The following DUSP16 variants were observed in gnomAD, a reference collection of about 807,000 sequenced individuals.
DUSP16 encodes the protein dual specificity protein phosphatase 16.
A neutral mutation model predicts 58.3 loss-of-function variants in DUSP16; 21 were observed. The ratio of observed to expected loss-of-function variants is 0.36; its 90% CI spans 0.26 to 0.52. The LOEUF (loss-of-function observed/expected upper bound fraction) is 0.52. Ranked by LOEUF, DUSP16 falls within the 20% of genes least tolerant of loss-of-function variation. The probability of loss-of-function intolerance (pLI) is 0.94; values close to 1 mark genes in which losing one functional copy is unlikely to be tolerated. For missense variants in DUSP16, 726 were observed against 819.0 expected, an observed-to-expected ratio of 0.89 and a Z score of 1.39; for synonymous variants, 320 against 323.8, an observed-to-expected ratio of 0.99 and a Z score of 0.12.
intron 6 of DUSP16, 56 bp from the exon 7 acceptor site, chr12:12,478,071 G>A (rs1178434066): frequency 1.5e-6 from 2 of 1,358,060 alleles, no homozygotes. Context: ...TTTATCTTAA[G>A]AATATTAAGT....
chr12:12,510,094 T>C (rs907786071), intron 3 of DUSP16, among the ~76,000 whole-genome samples: 1 of 152,084 alleles, frequency 6.6e-6, no homozygotes, highest in East Asian at 1.9e-4. Flanking sequence ...TGCCCCTAAA[T>C]GGCGCAGGAC....
Position 12,476,793 on chromosome 12 carries a change from A to G in DUSP16, c.*40T>C, listed in dbSNP as rs187350433. On this transcript the variant is annotated 3_prime_UTR_variant, in exon 7 of 7. Transcript: ENST00000298573. ...TACAGGGAATTTTTTTGTGAACAAG[A>G]AAAAAAAATTGTCTATAGAAGTCAC... 6.7e-7 allele frequency: 1 copy of G among 1,486,938 alleles called. No individual in the cohort carries two copies. The highest frequency in any genetic ancestry group is 1.4e-5 in the African/African-American group (1 of 70,968). The allele number at this position is 1,486,938 out of a possible 1,614,324, so 92.1% of individuals were successfully genotyped here.
At position 12,475,764 on chromosome 12, in the gene DUSP16, A is replaced by G. The variant is rs1354883526; in HGVS notation, c.*1069T>C. 2.0e-5 allele frequency: 3 copies of G among 152,184 alleles called. No individual in the cohort carries two copies. The highest frequency in any genetic ancestry group is 7.2e-5 in the African/African-American group (3 of 41,442). The allele number at this position is 152,184 out of a possible 1,614,324, so 9.4% of individuals were successfully genotyped here. A position where few individuals can be genotyped will look rare whatever the true frequency, so the allele number is the denominator to read the frequency against. ...ACCTCCCTAGGAAGTTTCCTATAAAATTCTGCCATATTATTACATTTTACC... is the reference window on the plus strand; with the variant it reads ...ACCTCCCTAGGAAGTTTCCTATAAAGTTCTGCCATATTATTACATTTTACC... On this transcript the variant is annotated 3_prime_UTR_variant, in exon 7 of 7. Transcript: ENST00000298573.
At chr12:12,500,379 A>G (rs1376027801) in intron 4 of DUSP16, 140 bp downstream of exon 4, 5 of 970,734 alleles carry the variant, frequency 5.2e-6, no homozygotes, top group Non-Finnish European at 7.3e-6. Flanking sequence ...AGATGACGCA[A>G]CTGTTACCTG....
At chr12:12,547,346 T>C (rs1944655835) in intron 1 of DUSP16, among the ~76,000 whole-genome samples, 1 of 151,414 alleles carries the variant, frequency 6.6e-6, no homozygotes, top group Non-Finnish European at 1.5e-5. Flanking sequence ...GGAGAATCGC[T>C]TGAACCCGGG....
At chr12:12,552,772 C>T (rs190984786) in intron 1 of DUSP16, among the ~76,000 whole-genome samples, 171 of 152,046 alleles carry the variant, frequency 1.1e-3, no homozygotes, top group African/African-American at 4.0e-3. Flanking sequence ...TTTATATCAA[C>T]CCTCTTTGTT....
At chr12:12,557,227 G>A (rs917752624) in intron 1 of DUSP16, among the ~76,000 whole-genome samples, 16 of 152,010 alleles carry the variant, frequency 1.1e-4, no homozygotes, top group African/African-American at 3.1e-4. Context: ...AGGCCAAGGC[G>A]GGTGGAACAC....
chr12:12,505,113 C>G (rs1943973309), intron 3 of DUSP16, among the ~76,000 whole-genome samples: 1 of 152,152 alleles, frequency 6.6e-6, no homozygotes, highest in African/African-American at 2.4e-5. Context: ...ATAGGTGTTA[C>G]TACTAATCCC....
rs185572363 is a variant in DUSP16, at chr12:12,492,617, G to A, written c.532-5430C>T. On this transcript the variant is annotated intron_variant, in intron 4 of 6. Transcript: ENST00000298573. ...CTTAAAAATATCTCCTCTCAGCTTC[G>A]CGTCTCCCTCCAGCCATTACCCCAT... Among the ~76,000 whole-genome samples the A allele has an allele frequency of 3.7e-3, 559 of 151,918 alleles. 3 individuals are homozygous for A. The highest frequency in any genetic ancestry group is 7.1e-3 in the Non-Finnish European group (480 of 67,974).
chr12:12,546,790 G>T (rs989314361), intron 1 of DUSP16, among the ~76,000 whole-genome samples: 1 of 152,160 alleles, frequency 6.6e-6, no homozygotes, highest in Non-Finnish European at 1.5e-5. Flanking sequence ...AACATTTTAA[G>T]TCATGGCACC....
Position 12,521,414 on chromosome 12 carries a change from T to C in DUSP16, c.-316A>G, listed in dbSNP as rs1277148897. ...TTGGAGCAGCCAGCGCATTACATCA[T>C]TCTTTACCTTTGCTCCCGCGCTCCA... On this transcript the variant is annotated 5_prime_UTR_variant, in exon 2 of 7. The change abolishes an upstream ATG in the 5' untranslated region. Coordinates refer to ENST00000298573, the MANE Select transcript of DUSP16 (RefSeq NM_030640.3). The C allele has an allele frequency of 7.4e-6, 9 of 1,210,208 alleles. No homozygotes were observed. Among genetic ancestry groups the C allele is most frequent in the Non-Finnish European group, 9.3e-6 (9 of 965,092 alleles). The allele number at this position is 1,210,208 out of a possible 1,614,324, so 75.0% of individuals were successfully genotyped here. A position where few individuals can be genotyped will look rare whatever the true frequency, so the allele number is the denominator to read the frequency against.
At chr12:12,528,895 G>T (rs1298689071) in intron 1 of DUSP16, among the ~76,000 whole-genome samples, 2 of 152,164 alleles carry the variant, frequency 1.3e-5, no homozygotes, top group Admixed American at 1.3e-4. Flanking sequence ...AGTAGTCACA[G>T]AAGGCCTTAC....
At chr12:12,543,241 G>A (rs1222554491) in intron 1 of DUSP16, among the ~76,000 whole-genome samples, 1 of 152,180 alleles carries the variant, frequency 6.6e-6, no homozygotes, top group Non-Finnish European at 1.5e-5. Flanking sequence ...GTTTACTGGG[G>A]TTGACAACTG....
chr12:12,482,491 G>C (rs1474599187), intron 5 of DUSP16, among the ~76,000 whole-genome samples: 2 of 151,958 alleles, frequency 1.3e-5, no homozygotes, highest in Non-Finnish European at 2.9e-5. Flanking sequence ...ATGCATCTTG[G>C]GAGACATGAG....
intron 1 of DUSP16, among the ~76,000 whole-genome samples, chr12:12,544,501 G>A (rs1166168582): frequency 6.6e-6 from 1 of 152,134 alleles, no homozygotes; most frequent in Non-Finnish European, 1.5e-5. Context: ...TAGGTTAAAC[G>A]CATAAGTATG....
At chr12:12,509,177 A>G (rs1452679007) in intron 3 of DUSP16, among the ~76,000 whole-genome samples, 1 of 152,264 alleles carries the variant, frequency 6.6e-6, no homozygotes, top group African/African-American at 2.4e-5. Flanking sequence ...ACTTGGCTGA[A>G]CAGAATTAAC....
intron 1 of DUSP16, among the ~76,000 whole-genome samples, chr12:12,545,442 CTTT>C (rs71436720): frequency 2.3e-5 from 3 of 131,992 alleles, no homozygotes; most frequent in African/African-American, 8.4e-5. Context: ...AATTTGTGTA[CTTT>C]TTTTTTTTTT....
At position 12,475,631 on chromosome 12, in the gene DUSP16, C is replaced by T. The variant is rs10845552; in HGVS notation, c.*1202G>A. The T allele has an allele frequency of 0.42, 63,772 of 152,010 alleles. 13,692 individuals carry two copies. Among genetic ancestry groups the T allele is most frequent in the East Asian group, 0.58 (3,018 of 5,162 alleles). 9.4% of individuals were successfully genotyped at this position (152,010 alleles called of 1,614,324 possible). On this transcript the variant is annotated 3_prime_UTR_variant, in exon 7 of 7. Coordinates refer to ENST00000298573, the MANE Select transcript of DUSP16 (RefSeq NM_030640.3). ...AGTAAATGTGAAAGTCTGAGGCAAT[C>T]ATAGAAACATCAGCCCCATCGCATG...
chr12:12,557,961 C>A (rs1944834059), intron 1 of DUSP16, among the ~76,000 whole-genome samples: 1 of 152,208 alleles, frequency 6.6e-6, no homozygotes, highest in Non-Finnish European at 1.5e-5. Context: ...ATCTTTAAGG[C>A]CAGGGTCAAA....
Sources: allele counts gnomAD v4.1 joint callset (sites outside exome capture counted in the v4.1 genomes callset), GRCh38; gene constraint gnomAD v4.1.1; transcripts MANE v1.5; gene names NCBI Gene and HGNC (gene_info 2026-07-23, HGNC 2026-07-21).